The following FHOD3 variants were observed in gnomAD, a reference collection of about 807,000 sequenced individuals.
FHOD3 encodes formin homology 2 domain containing 3.
In FHOD3, 90 loss-of-function variants were observed where a neutral mutation model predicts 173.0. The observed-to-expected ratio is 0.52, with a 90% CI of 0.44 to 0.62. FHOD3 has a LOEUF of 0.62. Ranked by LOEUF, FHOD3 falls within the 20% of genes least tolerant of loss-of-function variation. The pLI is 0.00. For missense variants in FHOD3, 1,945 were observed against 2,034.7 expected (o/e 0.96, Z 0.85); for synonymous variants, 828 against 823.0 (o/e 1.01, Z -0.10).
chr18:36,507,097 C>T (rs80180829), intron 4 of FHOD3, among the ~76,000 whole-genome samples: 5 of 152,204 alleles, frequency 3.3e-5, no homozygotes, highest in Admixed American at 1.3e-4. Flanking sequence ...AATGGCATGT[C>T]ATGTTTTTTT....
At chr18:36,574,822 T>C (rs1382000575) in intron 5 of FHOD3, among the ~76,000 whole-genome samples, 1 of 152,196 alleles carries the variant, frequency 6.6e-6, no homozygotes, top group African/African-American at 2.4e-5. Context: ...TGTTTTACCA[T>C]TAAATAGACT....
At chr18:36,565,445 T>G (rs772115530) in intron 5 of FHOD3, among the ~76,000 whole-genome samples, 1 of 152,216 alleles carries the variant, frequency 6.6e-6, no homozygotes, top group Non-Finnish European at 1.5e-5. Context: ...GCAGTGCCTA[T>G]CTTGGTGCTT....
chr18:36,658,893 T>C (rs1202270447), intron 14 of FHOD3, among the ~76,000 whole-genome samples: 3 of 152,160 alleles, frequency 2.0e-5, no homozygotes, highest in African/African-American at 7.2e-5. Flanking sequence ...ACCCATACCT[T>C]AGAGGGTGAT....
chr18:36,415,279 G>T (rs903800627), intron 3 of FHOD3, among the ~76,000 whole-genome samples: 2 of 152,172 alleles, frequency 1.3e-5, no homozygotes, highest in Admixed American at 6.5e-5. Context: ...CTGAATGTTT[G>T]TTCAATCATA....
intron 3 of FHOD3, among the ~76,000 whole-genome samples, chr18:36,402,195 AG>A (rs1427012155): frequency 2.0e-5 from 3 of 152,188 alleles, no homozygotes; most frequent in Non-Finnish European, 4.4e-5. Flanking sequence ...TTTTAAAAAC[AG>A]AAAAAGTGAT....
intron 7 of FHOD3, among the ~76,000 whole-genome samples, chr18:36,600,346 A>C (rs2031191598): frequency 6.6e-6 from 1 of 152,046 alleles, no homozygotes; most frequent in Non-Finnish European, 1.5e-5. Context: ...GAGGAGAGTG[A>C]GTGGACCCCA....
chr18:36,529,991 G>C (rs557884257), intron 5 of FHOD3, among the ~76,000 whole-genome samples: 1 of 151,572 alleles, frequency 6.6e-6, no homozygotes, highest in East Asian at 1.9e-4. Context: ...TGCTTGAGAG[G>C]GACCAGCCTT....
intron 4 of FHOD3, 110 bp downstream of exon 4, chr18:36,502,109 C>A: frequency 1.7e-6 from 1 of 594,220 alleles, no homozygotes. Flanking sequence ...ATTTAGATTA[C>A]AATATTTATA....
At chr18:36,661,989 T>C (rs573114953) in intron 14 of FHOD3, among the ~76,000 whole-genome samples, 66 of 152,372 alleles carry the variant, frequency 4.3e-4, no homozygotes, top group Non-Finnish European at 7.9e-4. Context: ...CACTTCACTT[T>C]TTGAAAATGT....
At chr18:36,340,694 T>C (rs2045567076) in intron 1 of FHOD3, among the ~76,000 whole-genome samples, 1 of 151,664 alleles carries the variant, frequency 6.6e-6, no homozygotes, top group Admixed American at 6.6e-5. Context: ...TGGAGTGCAG[T>C]GTCACGATCT....
At position 36,737,744 on chromosome 18, in the gene FHOD3, C is replaced by T. The variant is rs565209584; in HGVS notation, c.3577-2912C>T. Among the ~76,000 whole-genome samples the T allele has an allele frequency of 9.1e-4, 139 of 152,354 alleles. 1 individual carries two copies. The highest frequency in any genetic ancestry group is 3.2e-3 in the African/African-American group (134 of 41,602). On this transcript the variant is annotated intron_variant, in intron 20 of 28. Coordinates refer to ENST00000590592, the MANE Select transcript of FHOD3 (RefSeq NM_001281740.3). The stretch of plus-strand genomic sequence containing the variant: ...TCTTCAAGCCCAGGACCTCATCTAT[C>T]CCAGCCAGATACGTCCTGATGCACA...
intron 27 of FHOD3, 81 bp from the exon 28 acceptor site, chr18:36,769,184 C>G: frequency 6.6e-7 from 1 of 1,509,268 alleles, no homozygotes; most frequent in Non-Finnish European, 9.0e-7. Flanking sequence ...AAGAACTCAA[C>G]TGCTTGGAGG....
At chr18:36,708,547 G>A (rs2149666875) in intron 17 of FHOD3, among the ~76,000 whole-genome samples, 1 of 152,322 alleles carries the variant, frequency 6.6e-6, no homozygotes, top group South Asian at 2.1e-4. Flanking sequence ...GACCTTGCCT[G>A]TCCACTGCCA....
chr18:36,628,325 C>T (rs1055013111), intron 10 of FHOD3, among the ~76,000 whole-genome samples: 1 of 152,164 alleles, frequency 6.6e-6, no homozygotes, highest in African/African-American at 2.4e-5. Context: ...AGTATACAGA[C>T]TCCTTCCCAG....
chr18:36,701,743 C>A (rs1435568356), intron 17 of FHOD3, among the ~76,000 whole-genome samples: 1 of 152,184 alleles, frequency 6.6e-6, no homozygotes, highest in Non-Finnish European at 1.5e-5. Context: ...AATCCCAGCA[C>A]TTAAGGAGTT....
chr18:36,382,853 A>G (rs1282335389), intron 3 of FHOD3, among the ~76,000 whole-genome samples: 1 of 152,174 alleles, frequency 6.6e-6, no homozygotes, highest in Non-Finnish European at 1.5e-5. Context: ...CCTACTGACC[A>G]TATGTTTCAT....
chr18:36,705,987 G>GTA (rs1364463826), intron 17 of FHOD3, among the ~76,000 whole-genome samples: 3 of 142,040 alleles, frequency 2.1e-5, no homozygotes, highest in African/African-American at 7.8e-5. Flanking sequence ...GTGTGTGTGT[G>GTA]TGTGCACGGA....
chr18:36,538,235 A>G (rs1331986320), intron 5 of FHOD3, among the ~76,000 whole-genome samples: 4 of 152,224 alleles, frequency 2.6e-5, no homozygotes, highest in Non-Finnish European at 5.9e-5. Context: ...ATTAGAAAAT[A>G]AGTCTCAAAT....
chr18:36,372,923 C>T (rs2047264758), intron 3 of FHOD3, among the ~76,000 whole-genome samples, 179 bp downstream of exon 3: 1 of 152,206 alleles, frequency 6.6e-6, no homozygotes. Flanking sequence ...CCAGCTTCCT[C>T]TGCTGTTTGG....
Sources: gnomAD v4.1 joint callset for allele counts (sites outside exome capture counted in the v4.1 genomes callset) on GRCh38, gnomAD v4.1.1 for gene constraint, MANE v1.5 for transcripts, NCBI Gene and HGNC (gene_info 2026-07-23, HGNC 2026-07-21) for gene names.